Variants in TMEM132D observed in about 807,000 individuals in gnomAD.
The protein encoded by TMEM132D is transmembrane protein 132D.
In TMEM132D, 21 loss-of-function variants were observed where a neutral mutation model predicts 62.3. That is an observed-to-expected ratio of 0.34 (90% CI 0.24 to 0.49). The LOEUF is 0.49. Ranked by LOEUF, TMEM132D falls within the 20% of genes least tolerant of loss-of-function variation. The pLI, the probability that TMEM132D is intolerant of heterozygous loss-of-function variation, is 0.99. For synonymous variants in TMEM132D, 621 were observed against 575.6 expected (o/e 1.08, Z -1.13); for missense variants, 1,346 against 1,402.8 (o/e 0.96, Z 0.65).
intron 4 of TMEM132D, among the ~76,000 whole-genome samples, chr12:129,242,729 TTTC>T (rs1209794365): frequency 2.6e-5 from 4 of 152,208 alleles, no homozygotes; most frequent in Admixed American, 6.5e-5. Context: ...TCCTTCAATT[TTTC>T]TTCTTCTTTT....
At chr12:129,477,953 T>C (rs948742558) in intron 3 of TMEM132D, among the ~76,000 whole-genome samples, 1 of 152,208 alleles carries the variant, frequency 6.6e-6, no homozygotes, top group Admixed American at 6.5e-5. Context: ...ATTTCATTGT[T>C]GTGTGAACAT....
At chr12:129,604,372 GTTTA>G (rs1045113484) in intron 2 of TMEM132D, among the ~76,000 whole-genome samples, 1 of 152,046 alleles carries the variant, frequency 6.6e-6, no homozygotes, top group African/African-American at 2.4e-5. Flanking sequence ...ATGCACCACA[GTTTA>G]TTTATTTATT....
intron 1 of TMEM132D, among the ~76,000 whole-genome samples, chr12:129,764,312 T>C (rs548760493): frequency 6.6e-6 from 1 of 152,324 alleles, no homozygotes; most frequent in Admixed American, 6.5e-5. Context: ...AGTGAAAATA[T>C]AGGACGTCTT....
At chr12:129,692,765 C>T (rs756051254) in intron 2 of TMEM132D, among the ~76,000 whole-genome samples, 3 of 152,102 alleles carry the variant, frequency 2.0e-5, no homozygotes, top group Non-Finnish European at 4.4e-5. Flanking sequence ...CCAAACACCA[C>T]ATGTTCTCAC....
chr12:129,553,428 A>G (rs1249470816), intron 2 of TMEM132D, among the ~76,000 whole-genome samples: 1 of 152,168 alleles, frequency 6.6e-6, no homozygotes, highest in African/African-American at 2.4e-5. Context: ...TCTTTTAGGA[A>G]AGACTCAAGG....
chr12:129,665,433 T>C (rs1396696046), intron 2 of TMEM132D, among the ~76,000 whole-genome samples: 4 of 151,968 alleles, frequency 2.6e-5, no homozygotes, highest in Admixed American at 2.6e-4. Context: ...AATGAGCGCG[T>C]GGGCAAAGAC....
Position 129,463,470 on chromosome 12 carries a change from G to GTATTATTAT in TMEM132D, c.1115+67580_1115+67588dup, listed in dbSNP as rs71082722. Among the ~76,000 whole-genome samples the GTATTATTAT allele has an allele frequency of 2.2e-3, 258 of 117,638 alleles. 1 individual carries two copies. The highest frequency in any genetic ancestry group is 6.1e-3 in the South Asian group (22 of 3,618). The allele number at this position is 117,638 out of a possible 152,430, so 77.2% of individuals were successfully genotyped here. ...TTTATTTATTTATTTATTTATTTAT[G>GTATTATTAT]TATTATTATTATTATTATTATACTT... On this transcript the variant is annotated intron_variant, in intron 3 of 8. Coordinates refer to ENST00000422113, the MANE Select transcript of TMEM132D (RefSeq NM_133448.3).
rs1881038507 is a variant in TMEM132D, at chr12:129,277,721, A to G, written c.1299+59913T>C. Reference sequence around the variant, plus strand: ...TTTCTTATCAGAATCATATCATATGAAGAAAAAAACAACTTTTCCAGGAAG... The same window carrying G: ...TTTCTTATCAGAATCATATCATATGGAGAAAAAAACAACTTTTCCAGGAAG... On this transcript the variant is annotated intron_variant, in intron 4 of 8. Transcript: ENST00000422113. This position sits in a 1 kb window ranked among gnomAD's most constrained non-coding sequence, Gnocchi z 4.2. 6.6e-6 allele frequency among the ~76,000 whole-genome samples: 1 copy of G among 152,222 alleles called. No homozygotes were observed. The highest frequency in any genetic ancestry group is 2.4e-5 in the African/African-American group (1 of 41,466).
intron 1 of TMEM132D, among the ~76,000 whole-genome samples, chr12:129,849,718 G>A (rs1873475017): frequency 6.6e-6 from 1 of 152,170 alleles, no homozygotes; most frequent in African/African-American, 2.4e-5. Context: ...GCCAGGCAAC[G>A]CGGTAGCCAT....
At chr12:129,492,343 G>C (rs1051672694) in intron 3 of TMEM132D, among the ~76,000 whole-genome samples, 10 of 152,168 alleles carry the variant, frequency 6.6e-5, no homozygotes, top group South Asian at 4.1e-4. Context: ...GAAAACATGA[G>C]AGAGATTTTC....
chr12:129,335,944 G>A (rs1869258047), intron 4 of TMEM132D, among the ~76,000 whole-genome samples: 4 of 152,316 alleles, frequency 2.6e-5, no homozygotes, highest in Admixed American at 2.6e-4. Context: ...CTGGTCTGCA[G>A]AATATAGATG....
At chr12:129,547,664 A>T (rs575018721) in intron 2 of TMEM132D, among the ~76,000 whole-genome samples, 2 of 152,318 alleles carry the variant, frequency 1.3e-5, no homozygotes, top group South Asian at 4.1e-4. Context: ...GATGTTCTCC[A>T]ACTAGAAAGT....
chr12:129,828,610 C>A (rs1463228565), intron 1 of TMEM132D, among the ~76,000 whole-genome samples: 1 of 138,004 alleles, frequency 7.2e-6, no homozygotes, highest in Non-Finnish European at 1.5e-5. Context: ...TTTTATCCTC[C>A]CTGTGGGCTA....
intron 3 of TMEM132D, among the ~76,000 whole-genome samples, chr12:129,459,728 AT>A (rs1347180407): frequency 6.6e-6 from 1 of 152,148 alleles, no homozygotes; most frequent in Non-Finnish European, 1.5e-5. Context: ...TGTTTTTCAT[AT>A]TTTTTACTCA....
chr12:129,092,463 A>G (rs1874957567), intron 5 of TMEM132D, among the ~76,000 whole-genome samples: 1 of 152,068 alleles, frequency 6.6e-6, no homozygotes, highest in South Asian at 2.1e-4. Context: ...TCTTGGATTA[A>G]AAATGTGGAT....
At chr12:129,344,235 C>T (rs1208272478) in intron 3 of TMEM132D, among the ~76,000 whole-genome samples, 3 of 152,276 alleles carry the variant, frequency 2.0e-5, no homozygotes, top group African/African-American at 7.2e-5. Context: ...GATCAGAACC[C>T]CTTTCCTGTA....
At chr12:129,782,438 A>T (rs985208407) in intron 1 of TMEM132D, among the ~76,000 whole-genome samples, 4 of 152,186 alleles carry the variant, frequency 2.6e-5, no homozygotes, top group African/African-American at 9.7e-5. Context: ...TGTTGTTTGT[A>T]CAAATGTGGT....
intron 3 of TMEM132D, among the ~76,000 whole-genome samples, chr12:129,522,335 C>A (rs1288636786): frequency 6.6e-6 from 1 of 152,114 alleles, no homozygotes; most frequent in Non-Finnish European, 1.5e-5. Flanking sequence ...ATACTTTGCA[C>A]CAGTTGGACT....
At position 129,903,467 on chromosome 12, in the gene TMEM132D, G is replaced by A. The variant is rs941461266; in HGVS notation, c.-128C>T. The A allele has an allele frequency of 1.1e-6, 1 of 940,876 alleles. No homozygotes were observed. The highest frequency in any genetic ancestry group is 2.7e-5 in the East Asian group (1 of 37,662). 58.3% of individuals were successfully genotyped at this position (940,876 alleles called of 1,614,324 possible). A position where few individuals can be genotyped will look rare whatever the true frequency, so the allele number is the denominator to read the frequency against. On this transcript the variant is annotated 5_prime_UTR_variant, in exon 1 of 9. Transcript: ENST00000422113. This position sits in a 1 kb window ranked among gnomAD's most constrained non-coding sequence, Gnocchi z 6.2. ...GAGCGCCCGGCTAGGGGCCCGAGCA[G>A]CCCGGGCGCCCTGCTCCCTCTTCCC... is the stretch of plus-strand genomic sequence containing the variant.
Sources: gnomAD v4.1 joint callset for allele counts (sites outside exome capture counted in the v4.1 genomes callset) on GRCh38, gnomAD v4.1.1 for gene constraint, Gnocchi (gnomAD v3.1) non-coding constraint, MANE v1.5 for transcripts, NCBI Gene and HGNC (gene_info 2026-07-23, HGNC 2026-07-21) for gene names.